MGST3: variants seen among roughly 807,000 people sequenced by gnomAD.
MGST3 encodes the protein glutathione S-transferase 3, mitochondrial.
Under a neutral mutation model 15.8 loss-of-function variants are expected in MGST3, and 13 were observed. That is an observed-to-expected ratio of 0.82 (90% confidence interval 0.54 to 1.31). MGST3 has a LOEUF of 1.31. Among genes scored for constraint, MGST3 ranks in the 50% most tolerant of loss-of-function variants. The pLI is 0.00. For synonymous variants in MGST3, 49 were observed against 68.1 expected, an observed-to-expected ratio of 0.72 and a Z score of 1.38; for missense variants, 155 against 192.4, an observed-to-expected ratio of 0.81 and a Z score of 1.15.
chr1:165,652,417 A>G (rs966465443), intron 4 of MGST3, among the ~76,000 whole-genome samples: 1 of 152,220 alleles, frequency 6.6e-6, no homozygotes, highest in Non-Finnish European at 1.5e-5. Flanking sequence ...AAAGCAGACA[A>G]AGACCCCTGG....
chr1:165,647,626 G>C (rs547173205), intron 1 of MGST3: 2 of 152,154 alleles, frequency 1.3e-5, no homozygotes, highest in East Asian at 3.9e-4. Context: ...CCTGTCCAAA[G>C]ATTAGAGTCT....
chr1:165,640,405 A>G (rs1648231734), intron 1 of MGST3, among the ~76,000 whole-genome samples: 1 of 151,752 alleles, frequency 6.6e-6, no homozygotes, highest in Admixed American at 6.6e-5. Context: ...GCCTCCAAAG[A>G]TAGTAGTAGA....
intron 1 of MGST3, chr1:165,647,466 G>A (rs1426494384): frequency 1.3e-5 from 2 of 152,138 alleles, no homozygotes; most frequent in Non-Finnish European, 2.9e-5. Context: ...TCTAAAACCT[G>A]CTCTGGTCTT....
rs189225437 is a variant in MGST3, at chr1:165,655,880, G to A, written c.*376G>A. On this transcript the variant is annotated 3_prime_UTR_variant, in exon 6 of 6. Coordinates refer to ENST00000367889, the MANE Select transcript of MGST3 (RefSeq NM_004528.4). Reference sequence around the variant, plus strand: ...TTGCTACAGATACTCCAAGGCCAAAGGAATGCTTGAGCCTAAAAGTTCAAG... The same window carrying A: ...TTGCTACAGATACTCCAAGGCCAAAAGAATGCTTGAGCCTAAAAGTTCAAG... The A allele has an allele frequency of 2.0e-5, 5 of 245,140 alleles. No homozygotes were observed. The East Asian group carries it at 5.5e-4, about 27-fold the overall frequency. The allele number at this position is 245,140 out of a possible 1,614,324, so 15.2% of individuals were successfully genotyped here. A position where few individuals can be genotyped will look rare whatever the true frequency, so the allele number is the denominator to read the frequency against.
intron 1 of MGST3, among the ~76,000 whole-genome samples, chr1:165,639,861 T>C (rs1648214499): frequency 1.3e-5 from 2 of 152,180 alleles, no homozygotes; most frequent in Non-Finnish European, 2.9e-5. Context: ...TTAGGTATTA[T>C]ATATGTAGTA....
chr1:165,655,611 A>C lies in MGST3; in HGVS notation c.*107A>C, dbSNP rs1192101861. On this transcript the variant is annotated 3_prime_UTR_variant, in exon 6 of 6. Coordinates refer to ENST00000367889, the MANE Select transcript of MGST3 (RefSeq NM_004528.4). ...TAAAAACTTACCTGGCATCAGCCTC[A>C]TACCTAAAACTCCTGACTCTTACCA... 1.5e-6 allele frequency: 2 copies of C among 1,378,816 alleles called. No homozygotes were observed. Among genetic ancestry groups the C allele is most frequent in the Non-Finnish European group, 2.0e-6 (2 of 995,684 alleles). The allele number at this position is 1,378,816 out of a possible 1,614,324, so 85.4% of individuals were successfully genotyped here.
intron 1 of MGST3, chr1:165,635,818 GT>G (rs1364570923): frequency 8.5e-5 from 13 of 152,292 alleles, no homozygotes; most frequent in African/African-American, 3.1e-4. Flanking sequence ...ACTATGGACT[GT>G]GAGGTACTGT....
chr1:165,654,196 CAT>C lies in MGST3; in HGVS notation c.250-80_250-79del, dbSNP rs376492056. The C allele has an allele frequency of 1.7e-4, 229 of 1,322,354 alleles. 4 individuals carry two copies. In the African/African-American group the frequency reaches 2.2e-3, roughly 13 times the overall value. 81.9% of individuals were successfully genotyped at this position (1,322,354 alleles called of 1,614,324 possible). A position where few individuals can be genotyped will look rare whatever the true frequency, so the allele number is the denominator to read the frequency against. ...CATCAAATTGTTAACTTTTTGCTAA[CAT>C]ATTGTGTAATCAACCCTAGGTGTTA... On this transcript the variant is annotated intron_variant, in intron 4 of 5. Coordinates refer to ENST00000367889, the MANE Select transcript of MGST3 (RefSeq NM_004528.4).
intron 5 of MGST3, among the ~76,000 whole-genome samples, 183 bp from the exon 6 acceptor site, chr1:165,655,185 G>C (rs541425812): frequency 6.6e-6 from 1 of 152,288 alleles, no homozygotes; most frequent in African/African-American, 2.4e-5. Context: ...TACTACTGTG[G>C]CACGTTACTT....
At chr1:165,641,075 C>T (rs986222082) in intron 1 of MGST3, among the ~76,000 whole-genome samples, 17 of 152,060 alleles carry the variant, frequency 1.1e-4, no homozygotes, top group Admixed American at 1.0e-3. Flanking sequence ...CCCTGCTACT[C>T]GGGAGGCTGA....
At chr1:165,654,546 C>T (rs892341464) in intron 5 of MGST3, among the ~76,000 whole-genome samples, 195 bp downstream of exon 5, 2 of 152,166 alleles carry the variant, frequency 1.3e-5, no homozygotes, top group Middle Eastern at 6.8e-3. Context: ...CAAAAATTAG[C>T]CGGATGTGGT....
chr1:165,651,440 C>A lies in MGST3; in HGVS notation c.191+353C>A, dbSNP rs1648551810. ...GGAAACCCACTCTGACTCACCAGGA[C>A]CTTCCACTTCCATTTGTTAGATGTG... On this transcript the variant is annotated intron_variant, in intron 3 of 5. Coordinates refer to ENST00000367889, the MANE Select transcript of MGST3 (RefSeq NM_004528.4). 1.1e-5 allele frequency: 4 copies of A among 378,696 alleles called. No individual in the cohort carries two copies. The Admixed American group carries it at 1.6e-4, about 15-fold the overall frequency. The allele number at this position is 378,696 out of a possible 1,614,324, so 23.5% of individuals were successfully genotyped here. A position where few individuals can be genotyped will look rare whatever the true frequency, so the allele number is the denominator to read the frequency against.
intron 2 of MGST3, chr1:165,650,475 T>C (rs9333471): frequency 0.29 from 54,869 of 186,350 alleles, 9,163 homozygotes; most frequent in African/African-American, 0.43. Context: ...CCCTGGTGAG[T>C]GGTTTTAAAT....
intron 1 of MGST3, among the ~76,000 whole-genome samples, chr1:165,639,957 T>C (rs1352887274): frequency 6.6e-6 from 1 of 152,196 alleles, no homozygotes; most frequent in Non-Finnish European, 1.5e-5. Flanking sequence ...ATTCATTAAA[T>C]AGGCCTTTCA....
At position 165,655,371 on chromosome 1, in the gene MGST3, C is replaced by G. The variant is rs1246731234; in HGVS notation, c.326C>G (p.Pro109Arg). Reference protein sequence around the residue: ...LYAYGYYTGEPSKRSRGALGS... With the variant: ...LYAYGYYTGERSKRSRGALGS... ...TCTGTTCTTTCTTCTTTTTCAGAAC[C>G]CAGCAAGCGTAGTCGAGGAGCCCTG... is the stretch of plus-strand genomic sequence containing the variant. The change falls in exon 6 of 6, where the codon CCC becomes CGC. Residue 109 changes from proline (P) to arginine (R), a missense_variant. Coordinates refer to ENST00000367889, the MANE Select transcript of MGST3 (RefSeq NM_004528.4). The G allele has an allele frequency of 4.3e-6, 7 of 1,613,720 alleles. No individual in the cohort carries two copies. Among genetic ancestry groups the G allele is most frequent in the Non-Finnish European group, 5.9e-6 (7 of 1,179,882 alleles).
At position 165,632,199 on chromosome 1, in the gene MGST3, G is replaced by A. The variant is rs746596542; in HGVS notation, c.-8+906G>A. ...AGATACTAGGATGGGTAGAAGGAGA[G>A]GCAGGGGTTAGAACTTTAATTCCTT... On this transcript the variant is annotated intron_variant, in intron 1 of 5. Coordinates refer to ENST00000367889, the MANE Select transcript of MGST3 (RefSeq NM_004528.4). 7.5e-6 allele frequency: 12 copies of A among 1,599,072 alleles called. No individual in the cohort carries two copies. In the South Asian group the frequency reaches 1.3e-4, roughly 18 times the overall value.
chr1:165,647,096 C>T (rs1450751307), intron 1 of MGST3: 3 of 152,218 alleles, frequency 2.0e-5, no homozygotes, highest in African/African-American at 7.2e-5. Context: ...TTTCCAAGGT[C>T]CTAACTGTTG....
At chr1:165,633,666 C>T (rs1236622616) in intron 1 of MGST3, among the ~76,000 whole-genome samples, 6 of 152,220 alleles carry the variant, frequency 3.9e-5, no homozygotes, top group Admixed American at 1.3e-4. Context: ...GTGGTTGGTA[C>T]CCTAACGGGC....
chr1:165,654,266 C>G lies in MGST3; in HGVS notation c.250-13C>G. The G allele has an allele frequency of 6.2e-7, 1 of 1,613,660 alleles. No homozygotes were observed. The highest frequency in any genetic ancestry group is 8.5e-7 in the Non-Finnish European group (1 of 1,179,592). ...TCTTTCATGCAAATACTAATGTAGC[C>G]CTTTTTTCTTAGCGTATAGCTTCTG... is the stretch of plus-strand genomic sequence containing the variant. On this transcript the variant is annotated splice_polypyrimidine_tract_variant and intron_variant, in intron 4 of 5. Coordinates refer to ENST00000367889, the MANE Select transcript of MGST3 (RefSeq NM_004528.4).
Sources: allele counts gnomAD v4.1 joint callset (sites outside exome capture counted in the v4.1 genomes callset), GRCh38; gene constraint gnomAD v4.1.1; transcripts MANE v1.5; gene names NCBI Gene and HGNC (gene_info 2026-07-23, HGNC 2026-07-21).